EYA2: variants seen among roughly 807,000 people sequenced by gnomAD.
EYA2 encodes protein phosphatase EYA2.
EYA2 carries 31 observed loss-of-function variants against 69.2 expected under a neutral mutation model. That is an observed-to-expected ratio of 0.45 (90% CI 0.34 to 0.60). EYA2 has a LOEUF of 0.60. Among genes scored for constraint, EYA2 ranks in the 20% least tolerant of loss-of-function variants. EYA2 has a pLI of 0.02. For missense variants in EYA2, 622 were observed against 701.2 expected (o/e 0.89, Z 1.28); for synonymous variants, 257 against 279.4 (o/e 0.92, Z 0.80).
At chr20:47,079,512 G>A (rs2031641638) in intron 7 of EYA2, among the ~76,000 whole-genome samples, 1 of 152,156 alleles carries the variant, frequency 6.6e-6, no homozygotes, top group Non-Finnish European at 1.5e-5. Context: ...TATAAGGACT[G>A]TTGTGATTCC....
chr20:46,904,553 G>C (rs1984265026), intron 1 of EYA2, among the ~76,000 whole-genome samples: 1 of 152,142 alleles, frequency 6.6e-6, no homozygotes, highest in African/African-American at 2.4e-5. Flanking sequence ...CTATTGAGCA[G>C]TCTTTGAAAT....
chr20:47,092,291 C>G (rs1330665976), intron 8 of EYA2, among the ~76,000 whole-genome samples: 1 of 152,134 alleles, frequency 6.6e-6, no homozygotes, highest in African/African-American at 2.4e-5. Flanking sequence ...AGCAAGTGTT[C>G]CCACTGTTCC....
intron 5 of EYA2, among the ~76,000 whole-genome samples, chr20:47,034,607 C>T (rs183750770): frequency 5.9e-5 from 9 of 152,274 alleles, no homozygotes; most frequent in Admixed American, 1.3e-4. Flanking sequence ...TCCTTGTGCC[C>T]GAGGCCCTGT....
At chr20:47,170,198 G>A (rs566480668) in intron 11 of EYA2, among the ~76,000 whole-genome samples, 7 of 151,344 alleles carry the variant, frequency 4.6e-5, no homozygotes, top group Non-Finnish European at 7.4e-5. Context: ...GTGAGCCACC[G>A]CACCCGACCA....
intron 5 of EYA2, among the ~76,000 whole-genome samples, chr20:47,021,280 G>A (rs1231083215): frequency 6.6e-6 from 1 of 152,126 alleles, no homozygotes; most frequent in Non-Finnish European, 1.5e-5. Flanking sequence ...GAGACTGTGG[G>A]ACTGTCTGCA....
chr20:47,043,922 A>G (rs1413624439), intron 5 of EYA2, among the ~76,000 whole-genome samples: 1 of 152,176 alleles, frequency 6.6e-6, no homozygotes, highest in Non-Finnish European at 1.5e-5. Flanking sequence ...ATAGATATTG[A>G]TAGTTCAACA....
At chr20:47,025,315 CT>C (rs1984014513) in intron 5 of EYA2, among the ~76,000 whole-genome samples, 1 of 152,194 alleles carries the variant, frequency 6.6e-6, no homozygotes, top group Non-Finnish European at 1.5e-5. Flanking sequence ...CATAAGCTCT[CT>C]GATTTTAGTG....
At chr20:46,943,400 T>A (rs541054757) in intron 1 of EYA2, among the ~76,000 whole-genome samples, 3 of 152,344 alleles carry the variant, frequency 2.0e-5, no homozygotes, top group South Asian at 4.1e-4. Context: ...ATGAACTTGC[T>A]CACTGCAAGT....
chr20:47,078,327 GCGCGCA>G (rs1294595717), intron 7 of EYA2, among the ~76,000 whole-genome samples: 3,355 of 78,064 alleles, frequency 0.043, 75 homozygotes, highest in African/African-American at 0.079. Flanking sequence ...GTGCGCGCGC[GCGCGCA>G]CACACACACA....
chr20:46,986,388 G>GATATATAATATATAGATCTATATATCT (rs1555809557), intron 1 of EYA2, among the ~76,000 whole-genome samples: 9 of 66,026 alleles, frequency 1.4e-4, no homozygotes, highest in Admixed American at 1.5e-4. Context: ...ATTATATATC[G>GATATATAATATATAGATCTATATATCT]ATATATAATA....
intron 2 of EYA2, among the ~76,000 whole-genome samples, chr20:46,992,018 C>CATTCCCCG (rs149776473): frequency 0.8 from 116,662 of 146,578 alleles, 46,978 homozygotes; most frequent in Non-Finnish European, 0.87. Flanking sequence ...TGGGCCCCCA[C>CATTCCCCG]ATTCCCCGCT....
At chr20:46,965,899 G>T (rs553751133) in intron 1 of EYA2, among the ~76,000 whole-genome samples, 6 of 152,348 alleles carry the variant, frequency 3.9e-5, no homozygotes, top group African/African-American at 1.4e-4. Flanking sequence ...CTCAAGCCCT[G>T]TCTTCTCTCT....
chr20:47,164,769 G>A (rs562966677), intron 10 of EYA2, among the ~76,000 whole-genome samples: 1 of 152,236 alleles, frequency 6.6e-6, no homozygotes, highest in East Asian at 1.9e-4. Flanking sequence ...CTGAAAATCT[G>A]GAGAGAGAAC....
chr20:47,005,711 CAGA>C (rs1294910906), intron 4 of EYA2, among the ~76,000 whole-genome samples: 2 of 152,296 alleles, frequency 1.3e-5, no homozygotes, highest in Admixed American at 6.5e-5. Flanking sequence ...GTGGTAGTAT[CAGA>C]AGAAGGAGAA....
At chr20:47,182,461 T>A (rs1464949817) in intron 14 of EYA2, among the ~76,000 whole-genome samples, 11 of 149,560 alleles carry the variant, frequency 7.4e-5, no homozygotes, top group Non-Finnish European at 3.0e-5. Flanking sequence ...AAAACTCATC[T>A]GTACTAAAAA....
At chr20:47,104,999 C>T (rs182095080) in intron 9 of EYA2, among the ~76,000 whole-genome samples, 12 of 152,238 alleles carry the variant, frequency 7.9e-5, no homozygotes, top group East Asian at 3.9e-4. Flanking sequence ...CCAGCCTGGG[C>T]GACAGAGCCA....
At chr20:47,139,629 C>T (rs971286876) in intron 9 of EYA2, among the ~76,000 whole-genome samples, 2 of 152,112 alleles carry the variant, frequency 1.3e-5, no homozygotes, top group Non-Finnish European at 2.9e-5. Context: ...GGGGTTTCTC[C>T]ATGTTGGTCA....
intron 9 of EYA2, among the ~76,000 whole-genome samples, chr20:47,134,020 C>T (rs1170639230): frequency 6.6e-6 from 1 of 152,254 alleles, no homozygotes; most frequent in East Asian, 1.9e-4. Context: ...AGGGCCAGCC[C>T]TGAAGACAGA....
In EYA2 at chr20:46,928,801, T is replaced by G. The variant is rs1985526885; in HGVS notation, c.-11+33814T>G. Among the ~76,000 whole-genome samples the G allele has an allele frequency of 2.6e-5, 4 of 152,324 alleles. No homozygotes were observed. The South Asian group carries it at 8.3e-4, about 32-fold the overall frequency. ...CCTTTCCTCATCTGCTGAGTCAGGA[T>G]GCAGATGGGGTGGCTTTCAGGGACT... On this transcript the variant is annotated intron_variant, in intron 1 of 15. Coordinates refer to ENST00000327619, the MANE Select transcript of EYA2 (RefSeq NM_005244.5).
Sources: gnomAD v4.1 joint callset for allele counts (sites outside exome capture counted in the v4.1 genomes callset) on GRCh38, gnomAD v4.1.1 for gene constraint, MANE v1.5 for transcripts, NCBI Gene and HGNC (gene_info 2026-07-23, HGNC 2026-07-21) for gene names.